FAM107B: variants seen among roughly 807,000 people sequenced by gnomAD.
FAM107B encodes the protein protein FAM107B.
Under a neutral mutation model 31.5 loss-of-function variants are expected in FAM107B, and 21 were observed. The ratio of observed to expected loss-of-function variants is 0.67; its 90% CI spans 0.47 to 0.96. FAM107B has a LOEUF of 0.96. Among genes scored for constraint, FAM107B ranks in the 40% least tolerant of loss-of-function variants. The pLI, the probability that FAM107B is intolerant of heterozygous loss-of-function variation, is 0.00. For missense variants in FAM107B, 452 were observed against 377.1 expected (o/e 1.20, Z -1.64); for synonymous variants, 157 against 141.5 (o/e 1.11, Z -0.78).
chr10:14,741,715 C>CTTTTTTTTTTT (rs769614377), intron 1 of FAM107B, among the ~76,000 whole-genome samples: 1 of 114,434 alleles, frequency 8.7e-6, no homozygotes, highest in African/African-American at 3.7e-5. Context: ...GCATAACTCC[C>CTTTTTTTTTTT]TTTTTTTTTT....
At chr10:14,609,289 G>A (rs1852669969) in intron 2 of FAM107B, among the ~76,000 whole-genome samples, 1 of 152,184 alleles carries the variant, frequency 6.6e-6, no homozygotes, top group African/African-American at 2.4e-5. Flanking sequence ...GCATGACTGG[G>A]GTCTATGCTG....
Position 14,709,327 on chromosome 10 carries a change from A to C in FAM107B, c.412-41636T>G, listed in dbSNP as rs115544350. On this transcript the variant is annotated intron_variant, in intron 1 of 4. Coordinates refer to ENST00000181796, the MANE Select transcript of FAM107B (RefSeq NM_031453.4). ...AATAAAGACATACTCGAGACTGGGC[A>C]ATTTACAAAAGAAAGACGTTTAATG... Among the ~76,000 whole-genome samples, 970 of 152,340 alleles carry C rather than the reference A, an allele frequency of 6.4e-3. 10 individuals carry two copies. Among genetic ancestry groups the C allele is most frequent in the Middle Eastern group, 0.02 (6 of 294 alleles).
intron 2 of FAM107B, among the ~76,000 whole-genome samples, chr10:14,541,300 A>T (rs1327836672): frequency 6.6e-6 from 1 of 152,150 alleles, no homozygotes; most frequent in Non-Finnish European, 1.5e-5. Flanking sequence ...ATCACTGGTC[A>T]CCTCAGGAGA....
At chr10:14,642,539 G>A (rs947085501) in intron 2 of FAM107B, among the ~76,000 whole-genome samples, 5 of 152,002 alleles carry the variant, frequency 3.3e-5, no homozygotes, top group Non-Finnish European at 7.4e-5. Flanking sequence ...TATCCCCTTC[G>A]GTTCAAACTG....
chr10:14,630,488 A>G (rs1205756492), intron 2 of FAM107B, among the ~76,000 whole-genome samples: 1 of 152,008 alleles, frequency 6.6e-6, no homozygotes, highest in African/African-American at 2.4e-5. Flanking sequence ...TTTCAAAACT[A>G]TGTTTTGAAG....
intron 2 of FAM107B, among the ~76,000 whole-genome samples, chr10:14,625,599 C>T (rs1028293740): frequency 1.3e-5 from 2 of 152,032 alleles, no homozygotes; most frequent in Non-Finnish European, 2.9e-5. Context: ...GCATTAATGT[C>T]GCGTGCAAGA....
In FAM107B at chr10:14,583,140, C is replaced by A. The variant is rs535600355; in HGVS notation, c.470-52625G>T. Among the ~76,000 whole-genome samples, 5 of 151,728 alleles carry A rather than the reference C, an allele frequency of 3.3e-5. No homozygotes were observed. The East Asian group carries it at 7.8e-4, about 24-fold the overall frequency. The stretch of plus-strand genomic sequence containing the variant: ...AAAGAAAGCCAAAGCTGGTAAACGG[C>A]AGACCTGGAAGGTGGGCCCGGCAGT... On this transcript the variant is annotated intron_variant, in intron 2 of 4. Transcript: ENST00000181796.
At chr10:14,527,871 T>G (rs773676485) in intron 3 of FAM107B, 2 of 243,246 alleles carry the variant, frequency 8.2e-6, no homozygotes, top group South Asian at 8.3e-5. Context: ...AAAAGATGAA[T>G]AAAAGGAAAG....
At chr10:14,533,715 C>T (rs1847290958) in intron 2 of FAM107B, among the ~76,000 whole-genome samples, 1 of 152,212 alleles carries the variant, frequency 6.6e-6, no homozygotes, top group African/African-American at 2.4e-5. Context: ...TGACTTGGGC[C>T]TTGTTGCCAG....
chr10:14,583,166 C>G (rs1355953885), intron 2 of FAM107B, among the ~76,000 whole-genome samples: 1 of 151,968 alleles, frequency 6.6e-6, no homozygotes, highest in East Asian at 1.9e-4. Flanking sequence ...GCCCGGCAGT[C>G]TCATTCCAGA....
At chr10:14,541,769 G>A (rs1485144861) in intron 2 of FAM107B, among the ~76,000 whole-genome samples, 1 of 152,184 alleles carries the variant, frequency 6.6e-6, no homozygotes, top group Admixed American at 6.5e-5. Context: ...TGGCACAATG[G>A]CTTGTACATA....
At chr10:14,671,214 T>C (rs1854532143) in intron 1 of FAM107B, among the ~76,000 whole-genome samples, 1 of 152,168 alleles carries the variant, frequency 6.6e-6, no homozygotes, top group South Asian at 2.1e-4. Flanking sequence ...CTCTGATTGG[T>C]AGAGCGGCTA....
chr10:14,673,804 A>C (rs1854615004), intron 1 of FAM107B, among the ~76,000 whole-genome samples: 1 of 151,968 alleles, frequency 6.6e-6, no homozygotes, highest in South Asian at 2.1e-4. Flanking sequence ...GATAATCGCC[A>C]TTTGAACTGG....
rs1036054872 is a variant in FAM107B, at chr10:14,519,345, C to T, written c.*1845G>A. Reference sequence around the variant, plus strand: ...GAGCCAGTCCCGAATCTTCATTTTACAAACAGCATCGCTAGTCCACAGACA... The same window carrying T: ...GAGCCAGTCCCGAATCTTCATTTTATAAACAGCATCGCTAGTCCACAGACA... On this transcript the variant is annotated 3_prime_UTR_variant, in exon 5 of 5. Transcript: ENST00000181796. 6.6e-6 allele frequency: 1 copy of T among 152,102 alleles called. No homozygotes were observed. The highest frequency in any genetic ancestry group is 6.6e-5 in the Admixed American group (1 of 15,266). 9.4% of individuals were successfully genotyped at this position (152,102 alleles called of 1,614,324 possible). A position where few individuals can be genotyped will look rare whatever the true frequency, so the allele number is the denominator to read the frequency against.
chr10:14,571,588 C>T (rs1294237493), intron 2 of FAM107B, among the ~76,000 whole-genome samples: 2 of 152,152 alleles, frequency 1.3e-5, no homozygotes, highest in Non-Finnish European at 2.9e-5. Context: ...TATTACAAAG[C>T]TCTCTTCCTG....
Position 14,572,546 on chromosome 10 carries a change from T to C in FAM107B, c.470-42031A>G, listed in dbSNP as rs1364949149. Among the ~76,000 whole-genome samples, 5 of 151,780 alleles carry C rather than the reference T, an allele frequency of 3.3e-5. No homozygotes were observed. In the East Asian group the frequency reaches 9.7e-4, roughly 30 times the overall value. ...TTTATAAAATGTGCTAAGAATTTTC[T>C]ATGGGGAAGGGTTATGTTTAACATG... On this transcript the variant is annotated intron_variant, in intron 2 of 4. Transcript: ENST00000181796.
chr10:14,585,089 T>C (rs545012678), intron 2 of FAM107B, among the ~76,000 whole-genome samples: 1 of 152,326 alleles, frequency 6.6e-6, no homozygotes, highest in Admixed American at 6.5e-5. Context: ...GGGACACCTC[T>C]AGAGGGTATT....
chr10:14,531,708 G>A (rs1008073569), intron 2 of FAM107B, among the ~76,000 whole-genome samples: 2 of 151,964 alleles, frequency 1.3e-5, no homozygotes, highest in Admixed American at 1.3e-4. Flanking sequence ...CAGGCGTGGT[G>A]GCGTAGTCCC....
intron 1 of FAM107B, among the ~76,000 whole-genome samples, chr10:14,725,619 C>CAG (rs3035325): frequency 0.72 from 107,789 of 150,544 alleles, 39,155 homozygotes; most frequent in African/African-American, 0.86. Flanking sequence ...GAGAGACAGA[C>CAG]AGAGAGAGAG....
Sources: gnomAD v4.1 joint callset for allele counts (sites outside exome capture counted in the v4.1 genomes callset) on GRCh38, gnomAD v4.1.1 for gene constraint, MANE v1.5 for transcripts, NCBI Gene and HGNC (gene_info 2026-07-23, HGNC 2026-07-21) for gene names.